Variants in HEATR5A observed in about 807,000 individuals in gnomAD.
HEATR5A encodes the protein HEAT repeat-containing protein 5A.
A neutral mutation model predicts 218.8 loss-of-function variants in HEATR5A; 178 were observed. The ratio of observed to expected loss-of-function variants is 0.81; its 90% confidence interval spans 0.72 to 0.92. The LOEUF (loss-of-function observed/expected upper bound fraction) is 0.92. HEATR5A is among the 40% of genes least tolerant of loss of function. The pLI is 0.00. For synonymous variants in HEATR5A, 864 were observed against 871.6 expected, an observed-to-expected ratio of 0.99 and a Z score of 0.15; for missense variants, 2,420 against 2,418.9, an observed-to-expected ratio of 1.00 and a Z score of -0.01.
chr14:31,405,639 C>T (rs921574048), intron 1 of HEATR5A, among the ~76,000 whole-genome samples: 17 of 152,128 alleles, frequency 1.1e-4, no homozygotes, highest in East Asian at 7.7e-4. Context: ...ACAGAAAAGG[C>T]GAAAAGCAAG....
chr14:31,400,632 CT>C, intron 2 of HEATR5A, 120 bp from the exon 3 acceptor site: 1 of 667,808 alleles, frequency 1.5e-6, no homozygotes. Context: ...TACAAACTTA[CT>C]TTGACTGGAA....
At chr14:31,370,631 G>A (rs927317495) in intron 13 of HEATR5A, among the ~76,000 whole-genome samples, 2 of 152,126 alleles carry the variant, frequency 1.3e-5, no homozygotes, top group Non-Finnish European at 2.9e-5. Context: ...AGTACAAATG[G>A]TCACATTATT....
At chr14:31,389,520 C>T (rs2030365222) in intron 6 of HEATR5A, among the ~76,000 whole-genome samples, 1 of 152,120 alleles carries the variant, frequency 6.6e-6, no homozygotes, top group African/African-American at 2.4e-5. Context: ...GAAATCAAAG[C>T]TAAATTCATT....
At chr14:31,326,706 G>C (rs947275456) in intron 22 of HEATR5A, among the ~76,000 whole-genome samples, 3 of 151,824 alleles carry the variant, frequency 2.0e-5, no homozygotes, top group Non-Finnish European at 4.4e-5. Flanking sequence ...GCAATGGCAC[G>C]ATCTTGGCTC....
At chr14:31,320,184 G>A in intron 25 of HEATR5A, 1 of 591,976 alleles carries the variant, frequency 1.7e-6, no homozygotes, top group South Asian at 1.5e-5. Flanking sequence ...ATGGCGCGGA[G>A]TTGCAGCTGC....
At chr14:31,312,440 C>G (rs1392096401) in intron 28 of HEATR5A, among the ~76,000 whole-genome samples, 1 of 146,846 alleles carries the variant, frequency 6.8e-6, no homozygotes, top group Admixed American at 6.8e-5. Flanking sequence ...GAGACAGAGT[C>G]TCACTCTTGT....
At chr14:31,385,917 G>A (rs1030481027) in intron 9 of HEATR5A, among the ~76,000 whole-genome samples, 2 of 152,108 alleles carry the variant, frequency 1.3e-5, no homozygotes, top group African/African-American at 4.8e-5. Context: ...TAGTAGAGAC[G>A]GGGTTTTGCC....
chr14:31,298,053 T>C (rs1008290402), intron 33 of HEATR5A, among the ~76,000 whole-genome samples: 24 of 152,286 alleles, frequency 1.6e-4, no homozygotes, highest in African/African-American at 5.1e-4. Flanking sequence ...TTATTCCTAC[T>C]CTCTTTTACC....
At chr14:31,408,898 C>T (rs1006252098) in intron 1 of HEATR5A, among the ~76,000 whole-genome samples, 4 of 123,816 alleles carry the variant, frequency 3.2e-5, no homozygotes, top group South Asian at 3.2e-4. Context: ...GAGACCATCC[C>T]GGCTAAAACG....
rs145871385 is a variant in HEATR5A, at chr14:31,362,011, C to T, written c.2071+2178G>A. Among the ~76,000 whole-genome samples the T allele has an allele frequency of 9.4e-3, 1,423 of 152,170 alleles. 17 individuals are homozygous for T. The highest frequency in any genetic ancestry group is 0.033 in the African/African-American group (1,353 of 41,514). ...ATGGAATCTCACTCTGCCACCCAGG[C>T]TGCAGTGCAGTGGCACGATCTCGGC... On this transcript the variant is annotated intron_variant, in intron 14 of 35. Transcript: ENST00000543095.
chr14:31,412,273 T>C (rs1409818970), intron 1 of HEATR5A, among the ~76,000 whole-genome samples: 3 of 152,148 alleles, frequency 2.0e-5, no homozygotes, highest in African/African-American at 4.8e-5. Flanking sequence ...AAATTATCTA[T>C]ATAAACAGAA....
chr14:31,353,882 C>G (rs1403826695), intron 16 of HEATR5A, among the ~76,000 whole-genome samples: 1 of 151,966 alleles, frequency 6.6e-6, no homozygotes, highest in Non-Finnish European at 1.5e-5. Context: ...TCACTGCAAG[C>G]TCTGCCTCCC....
intron 9 of HEATR5A, among the ~76,000 whole-genome samples, chr14:31,385,660 A>T (rs2030188129): frequency 6.6e-6 from 1 of 152,220 alleles, no homozygotes. Flanking sequence ...GTGACTGTAC[A>T]GTATAGCAAA....
At chr14:31,302,648 A>T in intron 32 of HEATR5A, 129 bp from the exon 33 acceptor site, 1 of 653,054 alleles carries the variant, frequency 1.5e-6, no homozygotes, top group Non-Finnish European at 2.6e-6. Flanking sequence ...ATAAAGAATT[A>T]TAACTGTTAA....
At chr14:31,397,320 G>A (rs1328383283) in intron 4 of HEATR5A, among the ~76,000 whole-genome samples, 1 of 151,884 alleles carries the variant, frequency 6.6e-6, no homozygotes, top group Non-Finnish European at 1.5e-5. Context: ...AGTAACCAGT[G>A]TGATGTTTTT....
chr14:31,380,963 A>G (rs1462013191), intron 10 of HEATR5A, among the ~76,000 whole-genome samples: 3 of 152,114 alleles, frequency 2.0e-5, no homozygotes, highest in Non-Finnish European at 4.4e-5. Flanking sequence ...AAAATGCTAC[A>G]TACAGCCAGG....
chr14:31,346,824 T>A (rs960284866), intron 19 of HEATR5A, among the ~76,000 whole-genome samples: 1 of 152,060 alleles, frequency 6.6e-6, no homozygotes, highest in Admixed American at 6.6e-5. Context: ...CACACATTAA[T>A]AAGGGAGACA....
At position 31,302,514 on chromosome 14, in the gene HEATR5A, T is replaced by C. The variant is rs1234448969; in HGVS notation, c.5245A>G (p.Ile1749Val). ...TACAATATAGTAGGGAGAATTGAGA[T>C]GCTTCCTGTAAGATACATTTTTTAA... is the stretch of plus-strand genomic sequence containing the variant. ...LPAVCSPEGS[I>V]SILPTILYLT... The change falls in exon 33 of 36, where the codon ATC becomes GTC. Residue 1749 changes from isoleucine to valine, a missense_variant. Physicochemically the swap from Ile to Val is conservative, Grantham distance 29 (BLOSUM62 3). Coordinates refer to ENST00000543095, the MANE Select transcript of HEATR5A (RefSeq NM_015473.4). The C allele has an allele frequency of 2.6e-6, 4 of 1,563,372 alleles. No homozygotes were observed. Among genetic ancestry groups the C allele is most frequent in the Non-Finnish European group, 1.7e-6 (2 of 1,150,858 alleles).
chr14:31,319,190 TC>T (rs1320104694), intron 25 of HEATR5A, among the ~76,000 whole-genome samples: 1 of 152,062 alleles, frequency 6.6e-6, no homozygotes, highest in East Asian at 1.9e-4. Context: ...CTCACTCTTG[TC>T]CCCCAGGCTG....
Sources: gnomAD v4.1 joint callset for allele counts (sites outside exome capture counted in the v4.1 genomes callset) on GRCh38, gnomAD v4.1.1 for gene constraint, MANE v1.5 for transcripts, NCBI Gene and HGNC (gene_info 2026-07-23, HGNC 2026-07-21) for gene names.